CCDC171: variants seen among roughly 807,000 people sequenced by gnomAD.
The protein encoded by CCDC171 is coiled-coil domain containing 171.
CCDC171 carries 177 observed loss-of-function variants against 168.2 expected under a neutral mutation model. That is an observed-to-expected ratio of 1.05 (90% CI 0.93 to 1.19). The LOEUF (loss-of-function observed/expected upper bound fraction) is 1.19. Among genes scored for constraint, CCDC171 ranks in the 50% most tolerant of loss-of-function variants. CCDC171 has a pLI of 0.00. For synonymous variants in CCDC171, 687 were observed against 540.8 expected, an observed-to-expected ratio of 1.27 and a Z score of -3.75; for missense variants, 1,991 against 1,539.0, an observed-to-expected ratio of 1.29 and a Z score of -4.91.
intron 11 of CCDC171, among the ~76,000 whole-genome samples, chr9:15,705,980 A>G (rs1588067287): frequency 6.6e-6 from 1 of 152,238 alleles, no homozygotes; most frequent in Non-Finnish European, 1.5e-5. Flanking sequence ...GGTAGCATCC[A>G]TAAGGAGTCA....
intron 23 of CCDC171, among the ~76,000 whole-genome samples, chr9:15,859,631 C>T (rs1216998904): frequency 6.8e-6 from 1 of 146,460 alleles, no homozygotes; most frequent in Non-Finnish European, 1.5e-5. Context: ...CCCCACCCCC[C>T]GAATCTTTTT....
intron 23 of CCDC171, among the ~76,000 whole-genome samples, chr9:15,854,806 T>G (rs2061284008): frequency 6.6e-6 from 1 of 151,732 alleles, no homozygotes; most frequent in Non-Finnish European, 1.5e-5. Context: ...TTCATCTATT[T>G]CAAAATATTT....
intron 16 of CCDC171, among the ~76,000 whole-genome samples, chr9:15,739,009 A>G (rs992387833): frequency 4.6e-5 from 7 of 152,208 alleles, no homozygotes; most frequent in Non-Finnish European, 1.0e-4. Context: ...CAGACACTAT[A>G]GTAAATAATT....
chr9:15,838,858 A>G (rs187341201), intron 21 of CCDC171, among the ~76,000 whole-genome samples: 1 of 152,312 alleles, frequency 6.6e-6, no homozygotes, highest in East Asian at 1.9e-4. Context: ...TGAGCTTGGT[A>G]TCTTGATATA....
chr9:15,824,622 A>G (rs1375778262), intron 21 of CCDC171, among the ~76,000 whole-genome samples: 2 of 152,130 alleles, frequency 1.3e-5, no homozygotes, highest in Non-Finnish European at 2.9e-5. Flanking sequence ...GTTAAAAAAC[A>G]TCTTTTATTA....
chr9:15,979,053 T>C (rs916792104), intron 3 of CCDC171, among the ~76,000 whole-genome samples: 5 of 152,206 alleles, frequency 3.3e-5, no homozygotes, highest in Non-Finnish European at 7.4e-5. Flanking sequence ...GTTCATACGG[T>C]ACCGTGTATC....
chr9:15,624,327 A>G (rs1254088589), intron 7 of CCDC171, among the ~76,000 whole-genome samples: 1 of 152,168 alleles, frequency 6.6e-6, no homozygotes, highest in African/African-American at 2.4e-5. Flanking sequence ...TTAATTTTTT[A>G]TTATACTTTA....
the CCDC171 span, among the ~76,000 whole-genome samples, chr9:16,095,424 A>G: frequency 6.6e-6 from 1 of 151,988 alleles, no homozygotes; most frequent in African/African-American, 2.4e-5. Context: ...CTTCCCTCAA[A>G]GATTTTCTTT....
At chr9:15,807,901 C>T (rs552700505) in intron 21 of CCDC171, among the ~76,000 whole-genome samples, 1 of 151,394 alleles carries the variant, frequency 6.6e-6, no homozygotes, top group African/African-American at 2.4e-5. Flanking sequence ...GGAAGAAAGC[C>T]AGATGATTTT....
chr9:16,009,572 C>G (rs578051638), intron 3 of CCDC171, among the ~76,000 whole-genome samples: 18 of 152,282 alleles, frequency 1.2e-4, no homozygotes, highest in Admixed American at 1.1e-3. Flanking sequence ...ACGATTCTTT[C>G]TGGTAAGTGA....
intron 18 of CCDC171, among the ~76,000 whole-genome samples, chr9:15,752,976 CTTGT>C (rs1280439420): frequency 2.0e-5 from 3 of 151,890 alleles, no homozygotes; most frequent in African/African-American, 7.3e-5. Flanking sequence ...AAGCTATCTT[CTTGT>C]TTATGTTATT....
chr9:15,646,506 C>G (rs2047050440), intron 7 of CCDC171, among the ~76,000 whole-genome samples: 1 of 152,108 alleles, frequency 6.6e-6, no homozygotes, highest in African/African-American at 2.4e-5. Context: ...TCAGGAGACC[C>G]ATCTCATGTG....
intron 8 of CCDC171, among the ~76,000 whole-genome samples, chr9:15,663,025 A>AAC (rs1564163448): frequency 5.4e-5 from 8 of 147,998 alleles, no homozygotes; most frequent in Non-Finnish European, 1.1e-4. Flanking sequence ...ACAACAACAA[A>AAC]TTGCCTGATT....
At chr9:15,828,028 A>G (rs1588716733) in intron 21 of CCDC171, among the ~76,000 whole-genome samples, 2 of 152,356 alleles carry the variant, frequency 1.3e-5, no homozygotes, top group East Asian at 3.9e-4. Context: ...TGTAGAGGAT[A>G]TAGGAATAGA....
At chr9:15,982,345 C>A (rs368043391) in intron 3 of CCDC171, among the ~76,000 whole-genome samples, 2 of 152,128 alleles carry the variant, frequency 1.3e-5, no homozygotes, top group African/African-American at 4.8e-5. Flanking sequence ...TATTTAACCT[C>A]GTGAACCTCA....
At chr9:15,634,512 T>A (rs961445958) in intron 7 of CCDC171, among the ~76,000 whole-genome samples, 1 of 152,214 alleles carries the variant, frequency 6.6e-6, no homozygotes, top group Admixed American at 6.5e-5. Context: ...GTTCAGCTTC[T>A]GGTTCAGATT....
intron 6 of CCDC171, among the ~76,000 whole-genome samples, chr9:15,603,393 G>A (rs1399367276): frequency 3.9e-5 from 6 of 152,040 alleles, no homozygotes; most frequent in Non-Finnish European, 7.4e-5. Flanking sequence ...TTTTTCTAAT[G>A]CTCTCCCTCC....
intron 25 of CCDC171, among the ~76,000 whole-genome samples, chr9:15,931,975 C>T (rs1170658553): frequency 6.6e-6 from 1 of 151,846 alleles, no homozygotes; most frequent in Non-Finnish European, 1.5e-5. Context: ...TGTTTTTATG[C>T]CAGTACCGTG....
At chr9:15,582,100 A>T (rs1370976090) in intron 4 of CCDC171, among the ~76,000 whole-genome samples, 1 of 152,168 alleles carries the variant, frequency 6.6e-6, no homozygotes, top group Non-Finnish European at 1.5e-5. Flanking sequence ...AAACAATCTC[A>T]TCAGAAAGTG....
Sources: gnomAD v4.1 joint callset for allele counts (sites outside exome capture counted in the v4.1 genomes callset) on GRCh38, gnomAD v4.1.1 for gene constraint, MANE v1.5 for transcripts, NCBI Gene and HGNC (gene_info 2026-07-23, HGNC 2026-07-21) for gene names.